Variants in GMDS observed in about 807,000 individuals in gnomAD.
GMDS encodes the protein GDP-mannose 4,6-dehydratase.
GMDS carries 20 observed loss-of-function variants against 49.9 expected under a neutral mutation model. The observed-to-expected ratio is 0.40, with a 90% CI of 0.28 to 0.58. The LOEUF (loss-of-function observed/expected upper bound fraction) is 0.58, where lower values mean the gene tolerates loss of function less well. GMDS is among the 20% of genes least tolerant of loss of function. The pLI is 0.42. For synonymous variants in GMDS, 177 were observed against 178.6 expected (o/e 0.99, Z 0.07); for missense variants, 362 against 481.4 (o/e 0.75, Z 2.32).
Position 2,245,313 on chromosome 6 carries a change from G to T in GMDS, c.102+8C>A. The T allele has an allele frequency of 6.6e-7, 1 of 1,524,010 alleles. No homozygotes were observed. Among genetic ancestry groups the T allele is most frequent in the Non-Finnish European group, 8.8e-7 (1 of 1,133,398 alleles). The allele number at this position is 1,524,010 out of a possible 1,614,324, so 94.4% of individuals were successfully genotyped here. On this transcript the variant is annotated splice_region_variant and intron_variant, in intron 1 of 10. Coordinates refer to ENST00000380815, the MANE Select transcript of GMDS (RefSeq NM_001500.4). Reference sequence around the variant, plus strand: ...CCTCGGCCGGCGCGCCCCCGCCCCCGCACTCACCTGGCCTGTGATACCGGT... The same window carrying T: ...CCTCGGCCGGCGCGCCCCCGCCCCCTCACTCACCTGGCCTGTGATACCGGT...
chr6:1,642,980 T>A (rs758508115), intron 9 of GMDS, among the ~76,000 whole-genome samples: 2 of 152,214 alleles, frequency 1.3e-5, no homozygotes, highest in Non-Finnish European at 2.9e-5. Context: ...AGCCCTGGTC[T>A]TAGCAGAGTT....
chr6:1,986,730 A>G (rs1581467515), intron 4 of GMDS, among the ~76,000 whole-genome samples: 1 of 152,174 alleles, frequency 6.6e-6, no homozygotes. Flanking sequence ...AGTTTTGCTT[A>G]TCTCTCCACT....
At chr6:2,209,570 T>TACAC (rs61216869) in intron 1 of GMDS, among the ~76,000 whole-genome samples, 8,489 of 135,900 alleles carry the variant, frequency 0.062, 278 homozygotes, top group East Asian at 0.13. Flanking sequence ...CACATACACA[T>TACAC]ACACACACAC....
At chr6:2,153,060 A>T (rs1249234094) in intron 1 of GMDS, among the ~76,000 whole-genome samples, 6 of 151,942 alleles carry the variant, frequency 3.9e-5, no homozygotes, top group East Asian at 3.9e-4. Flanking sequence ...CTCCTCCTCA[A>T]AATAAATAAA....
intron 7 of GMDS, among the ~76,000 whole-genome samples, chr6:1,893,860 T>A (rs1264663299): frequency 6.6e-6 from 1 of 152,196 alleles, no homozygotes; most frequent in Non-Finnish European, 1.5e-5. Flanking sequence ...CGACCTGCCA[T>A]GAACCTTTTT....
intron 4 of GMDS, among the ~76,000 whole-genome samples, chr6:1,999,960 TATATATATATTATATATATA>T (rs1766593819): frequency 4.2e-5 from 1 of 23,680 alleles, no homozygotes; most frequent in Non-Finnish European, 8.3e-5. Flanking sequence ...ATATGTATAT[TATATATATATTATATATATA>T]TTTTATATAT....
chr6:2,082,979 A>T (rs1772802963), intron 4 of GMDS, among the ~76,000 whole-genome samples: 1 of 152,240 alleles, frequency 6.6e-6, no homozygotes. Flanking sequence ...TTTTAAGAAA[A>T]ACCACAATCC....
intron 4 of GMDS, among the ~76,000 whole-genome samples, chr6:2,039,621 A>T (rs1297946894): frequency 6.6e-6 from 1 of 152,000 alleles, no homozygotes; most frequent in African/African-American, 2.4e-5. Flanking sequence ...TGAAGACACG[A>T]GCACACACAT....
intron 1 of GMDS, among the ~76,000 whole-genome samples, chr6:2,208,560 G>A (rs2127581247): frequency 6.6e-6 from 1 of 152,292 alleles, no homozygotes; most frequent in East Asian, 1.9e-4. Context: ...GGGCCACAAA[G>A]AGGTGGTACT....
intron 7 of GMDS, among the ~76,000 whole-genome samples, chr6:1,896,186 C>T (rs1229659462): frequency 6.6e-6 from 1 of 152,112 alleles, no homozygotes; most frequent in Non-Finnish European, 1.5e-5. Flanking sequence ...TTCATTGTTG[C>T]CCTGTGTATC....
chr6:1,861,633 GA>G (rs1020346445), intron 7 of GMDS, among the ~76,000 whole-genome samples: 32 of 146,962 alleles, frequency 2.2e-4, no homozygotes, highest in Non-Finnish European at 3.5e-4. Flanking sequence ...AAAAAAAAAA[GA>G]AAAAAAAATG....
chr6:1,922,510 C>T (rs927490431), intron 7 of GMDS, among the ~76,000 whole-genome samples: 3 of 152,190 alleles, frequency 2.0e-5, no homozygotes, highest in Admixed American at 6.5e-5. Flanking sequence ...CGGCCCAAGG[C>T]GACAACTCTA....
At chr6:1,965,204 G>A (rs1377984082) in intron 4 of GMDS, among the ~76,000 whole-genome samples, 1 of 152,112 alleles carries the variant, frequency 6.6e-6, no homozygotes, top group Non-Finnish European at 1.5e-5. Flanking sequence ...TGGGATGGCT[G>A]GGTCAAATGG....
intron 8 of GMDS, among the ~76,000 whole-genome samples, chr6:1,730,193 G>C (rs964243486): frequency 6.6e-6 from 1 of 152,242 alleles, no homozygotes; most frequent in African/African-American, 2.4e-5. Flanking sequence ...AGGCAGGCCT[G>C]GAGGAAGCAT....
intron 4 of GMDS, among the ~76,000 whole-genome samples, chr6:2,059,252 T>C (rs1054739864): frequency 1.3e-5 from 2 of 151,500 alleles, no homozygotes; most frequent in African/African-American, 4.9e-5. Flanking sequence ...AGGTGTATAT[T>C]TGAAAATATG....
At chr6:1,702,189 G>T (rs34516806) in intron 9 of GMDS, among the ~76,000 whole-genome samples, 2 of 152,204 alleles carry the variant, frequency 1.3e-5, no homozygotes, top group African/African-American at 4.8e-5. Context: ...GCTGGACTCC[G>T]ACTCTTCGTA....
intron 7 of GMDS, among the ~76,000 whole-genome samples, chr6:1,832,391 T>C (rs1756696591): frequency 1.3e-5 from 2 of 149,998 alleles, no homozygotes; most frequent in Admixed American, 6.6e-5. Flanking sequence ...AGACTCTCTA[T>C]ACCCCTACAA....
intron 4 of GMDS, among the ~76,000 whole-genome samples, chr6:1,979,782 A>G (rs879441948): frequency 6.6e-6 from 1 of 152,206 alleles, no homozygotes; most frequent in Non-Finnish European, 1.5e-5. Flanking sequence ...AAAAATGTTG[A>G]GGGCAGCCAG....
At chr6:2,052,242 G>A (rs576350070) in intron 4 of GMDS, among the ~76,000 whole-genome samples, 2 of 152,006 alleles carry the variant, frequency 1.3e-5, no homozygotes, top group South Asian at 2.1e-4. Flanking sequence ...TTTGATGCTA[G>A]GTTAAATGGA....
Sources: gnomAD v4.1 joint callset for allele counts (sites outside exome capture counted in the v4.1 genomes callset) on GRCh38, gnomAD v4.1.1 for gene constraint, MANE v1.5 for transcripts, NCBI Gene and HGNC (gene_info 2026-07-23, HGNC 2026-07-21) for gene names.